ERG: variants seen among roughly 807,000 people sequenced by gnomAD.
ERG encodes the protein ETS transcription factor ERG, also known as transcriptional regulator ERG.
A neutral mutation model predicts 55.3 loss-of-function variants in ERG; 9 were observed. The observed-to-expected ratio is 0.16, with a 90% CI of 0.10 to 0.28. The LOEUF (loss-of-function observed/expected upper bound fraction) is 0.28, where lower values mean the gene tolerates loss of function less well. Ranked by LOEUF, ERG falls within the 10% of genes least tolerant of loss-of-function variation. ERG has a pLI of 1.00. For missense variants in ERG, 434 were observed against 631.6 expected, an observed-to-expected ratio of 0.69 and a Z score of 3.35; for synonymous variants, 223 against 237.3, an observed-to-expected ratio of 0.94 and a Z score of 0.55.
chr21:38,661,284 T>G (rs2060554688), intron 1 of ERG, among the ~76,000 whole-genome samples: 1 of 152,124 alleles, frequency 6.6e-6, no homozygotes, highest in African/African-American at 2.4e-5. Flanking sequence ...GTTGCAAACA[T>G]TGAAAATAGT....
intron 2 of ERG, among the ~76,000 whole-genome samples, chr21:38,432,124 T>A (rs776522357): frequency 1.3e-5 from 2 of 152,236 alleles, no homozygotes; most frequent in African/African-American, 2.4e-5. Flanking sequence ...AGACAGGGTC[T>A]TGCTCTGTCA....
intron 2 of ERG, among the ~76,000 whole-genome samples, chr21:38,530,780 C>T (rs1228693452): frequency 1.4e-4 from 21 of 152,114 alleles, no homozygotes; most frequent in Admixed American, 1.2e-3. Context: ...GTCTTTAAAA[C>T]GTTGAAAATG....
intron 2 of ERG, among the ~76,000 whole-genome samples, chr21:38,432,701 C>T (rs968063750): frequency 6.6e-6 from 1 of 152,202 alleles, no homozygotes; most frequent in Non-Finnish European, 1.5e-5. Context: ...TACTCGAAAG[C>T]AGGAGCCTTG....
chr21:38,445,681 A>T (rs1434047524), intron 1 of ERG, 60 bp from the exon 2 acceptor site: 1 of 1,452,592 alleles, frequency 6.9e-7, no homozygotes, highest in African/African-American at 1.4e-5. Context: ...TGTTTCAAAA[A>T]GTTGTTGATT....
chr21:38,491,443 G>T (rs978439711), intron 1 of ERG, among the ~76,000 whole-genome samples: 6 of 152,190 alleles, frequency 3.9e-5, no homozygotes, highest in Non-Finnish European at 8.8e-5. Flanking sequence ...TTAAAAAGTG[G>T]AATGTGTTAA....
intron 1 of ERG, among the ~76,000 whole-genome samples, chr21:38,454,361 C>T (rs750764758): frequency 6.6e-6 from 1 of 152,126 alleles, no homozygotes; most frequent in Non-Finnish European, 1.5e-5. Context: ...CTGGGTAAAT[C>T]CTTTAACCCT....
chr21:38,542,637 T>C (rs1294928723), intron 2 of ERG, among the ~76,000 whole-genome samples: 4 of 152,204 alleles, frequency 2.6e-5, no homozygotes, highest in African/African-American at 9.7e-5. Context: ...GAAAATGAAT[T>C]GTTGGTCTAA....
chr21:38,383,165 G>T lies in ERG; in HGVS notation c.*238C>A, dbSNP rs141858676. ...TTCTACATACACTGTCTTTTACAAG[G>T]TCAGTCCACAGATGATATGTCCATA... On this transcript the variant is annotated 3_prime_UTR_variant, in exon 10 of 10. Transcript: ENST00000288319. This position sits in a 1 kb window ranked among gnomAD's most constrained non-coding sequence, Gnocchi z 5.7. 3 of 1,227,530 alleles carry T rather than the reference G, an allele frequency of 2.4e-6. No individual in the cohort carries two copies. The highest frequency in any genetic ancestry group is 3.1e-5 in the African/African-American group (2 of 64,782). The allele number at this position is 1,227,530 out of a possible 1,614,324, so 76.0% of individuals were successfully genotyped here. A position where few individuals can be genotyped will look rare whatever the true frequency, so the allele number is the denominator to read the frequency against.
chr21:38,528,095 TC>T (rs1260505329), intron 2 of ERG, among the ~76,000 whole-genome samples: 6 of 152,180 alleles, frequency 3.9e-5, no homozygotes, highest in African/African-American at 1.2e-4. Context: ...TCTTTGGTGT[TC>T]CTTGGCTTAT....
At chr21:38,439,053 G>A (rs1008486209) in intron 2 of ERG, among the ~76,000 whole-genome samples, 1 of 152,208 alleles carries the variant, frequency 6.6e-6, no homozygotes, top group Non-Finnish European at 1.5e-5. Context: ...CATGGCAATG[G>A]CTCCAGGTGG....
intron 1 of ERG, among the ~76,000 whole-genome samples, chr21:38,475,159 C>A (rs532275471): frequency 6.6e-6 from 1 of 152,234 alleles, no homozygotes; most frequent in South Asian, 2.1e-4. Flanking sequence ...ACTGAAACGA[C>A]TGCAAAAATA....
chr21:38,637,478 G>A (rs997941789), intron 1 of ERG, among the ~76,000 whole-genome samples: 8 of 152,176 alleles, frequency 5.3e-5, no homozygotes, highest in African/African-American at 1.9e-4. Context: ...CTAATTGTGT[G>A]TCCTTGGAAA....
chr21:38,567,180 A>G (rs1238640984), intron 2 of ERG, among the ~76,000 whole-genome samples: 1 of 152,274 alleles, frequency 6.6e-6, no homozygotes, highest in East Asian at 1.9e-4. Flanking sequence ...TGAGCACCGC[A>G]TTGGAATCTG....
intron 1 of ERG, among the ~76,000 whole-genome samples, chr21:38,613,141 G>T (rs80199058): frequency 0.063 from 9,553 of 152,234 alleles, 952 homozygotes; most frequent in African/African-American, 0.22. Flanking sequence ...ATAGGAAGAA[G>T]GTGTTCATCT....
intron 1 of ERG, among the ~76,000 whole-genome samples, chr21:38,487,272 G>A (rs965992994): frequency 6.6e-6 from 1 of 151,890 alleles, no homozygotes; most frequent in Non-Finnish European, 1.5e-5. Flanking sequence ...AAAGAATCGA[G>A]TATTCAAAGA....
intron 3 of ERG, among the ~76,000 whole-genome samples, chr21:38,418,270 A>AGT (rs71184622): frequency 0.018 from 2,399 of 130,372 alleles, 60 homozygotes; most frequent in African/African-American, 0.05. Context: ...AACATTTGGA[A>AGT]GTGTGTGTGT....
At chr21:38,651,780 T>A (rs1220698162) in intron 1 of ERG, among the ~76,000 whole-genome samples, 1 of 152,120 alleles carries the variant, frequency 6.6e-6, no homozygotes, top group South Asian at 2.1e-4. Context: ...CTGACCAAGA[T>A]AACTACACAC....
At chr21:38,598,285 A>G (rs942155040) in intron 1 of ERG, among the ~76,000 whole-genome samples, 1 of 152,186 alleles carries the variant, frequency 6.6e-6, no homozygotes, top group Non-Finnish European at 1.5e-5. Context: ...CCCATGCCCC[A>G]TTCCTGGAGT....
chr21:38,453,583 T>G (rs2058960632), intron 1 of ERG, among the ~76,000 whole-genome samples: 1 of 152,222 alleles, frequency 6.6e-6, no homozygotes, highest in South Asian at 2.1e-4. Flanking sequence ...ATTTTCTTCT[T>G]TAAAGAATCG....
Sources: gnomAD v4.1 joint callset for allele counts (sites outside exome capture counted in the v4.1 genomes callset) on GRCh38, gnomAD v4.1.1 for gene constraint, Gnocchi (gnomAD v3.1) non-coding constraint, MANE v1.5 for transcripts, NCBI Gene and HGNC (gene_info 2026-07-23, HGNC 2026-07-21) for gene names.